Variants in VPS13C observed in about 807,000 individuals in gnomAD.
The protein encoded by VPS13C is intermembrane lipid transfer protein VPS13C.
In VPS13C, 358 loss-of-function variants were observed where a neutral mutation model predicts 456.8. The observed-to-expected ratio is 0.78, with a 90% CI of 0.72 to 0.86. The LOEUF is 0.86. VPS13C is among the 40% of genes least tolerant of loss of function. The pLI, the probability that VPS13C is intolerant of heterozygous loss-of-function variation, is 0.00. For synonymous variants in VPS13C, 1,578 were observed against 1,486.7 expected (o/e 1.06, Z -1.41); for missense variants, 4,818 against 4,385.4 (o/e 1.10, Z -2.79).
rs1216224416 is a variant in VPS13C, at chr15:61,890,308, A to G, written c.9198T>C (p.Asp3066=). The G allele has an allele frequency of 6.2e-7, 1 of 1,614,068 alleles. No individual in the cohort carries two copies. The highest frequency in any genetic ancestry group is 1.1e-5 in the South Asian group (1 of 91,068). The change falls in exon 67 of 85, where the codon GAT becomes GAC. Residue 3066 remains aspartate, a synonymous_variant. Transcript: ENST00000644861. ...GTGCTTTGGAAACCAAGGCAACATC[A>G]TCGGTGAAAAGCAAAACTCTCTGGC... ...DGRQRVLLFT[D]DVALVSKALQ...
chr15:61,968,135 T>A (rs981764829), intron 28 of VPS13C, among the ~76,000 whole-genome samples: 1 of 151,996 alleles, frequency 6.6e-6, no homozygotes, highest in African/African-American at 2.4e-5. Context: ...TACTAACACA[T>A]AAAATATTTT....
intron 19 of VPS13C, 145 bp from the exon 20 acceptor site, chr15:61,984,157 G>A: frequency 1.5e-6 from 1 of 677,848 alleles, no homozygotes; most frequent in Middle Eastern, 4.1e-4. Flanking sequence ...AACCTCCTTA[G>A]CCAGGCATTC....
In VPS13C at chr15:61,854,545, G is replaced by T. The variant is rs770102471; in HGVS notation, c.11174C>A (p.Ala3725Asp). 1 of 1,613,930 alleles carries T rather than the reference G, an allele frequency of 6.2e-7. No individual in the cohort carries two copies. Among genetic ancestry groups the T allele is most frequent in the African/African-American group, 1.3e-5 (1 of 75,012 alleles). The change falls in exon 85 of 85, where the codon GCC (alanine) becomes GAC (aspartate). Residue 3725 changes from alanine (A) to aspartate (D), a missense_variant. This residue lies in a region of VPS13C where 261 missense variants were observed against 234.1 expected (regional missense o/e 1.11). Transcript: ENST00000644861. ...TCTCGTTGACTGTGCATCCTCAATGGCATTACATGCTCTCTGTAAAGTAAA... is the reference window on the plus strand; with the variant it reads ...TCTCGTTGACTGTGCATCCTCAATGTCATTACATGCTCTCTGTAAAGTAAA... ...DTATAERACN[A>D]IEDAQSTRQQ...
intron 51 of VPS13C, among the ~76,000 whole-genome samples, chr15:61,928,822 T>C (rs2043955893): frequency 6.6e-6 from 1 of 150,866 alleles, no homozygotes; most frequent in African/African-American, 2.4e-5. Context: ...AGGTGAAAAT[T>C]ACAGTAAGCC....
At chr15:61,986,528 T>C (rs2046061153) in intron 18 of VPS13C, among the ~76,000 whole-genome samples, 1 of 152,104 alleles carries the variant, frequency 6.6e-6, no homozygotes, top group Non-Finnish European at 1.5e-5. Flanking sequence ...TCCCACTATG[T>C]ACATTAGAAG....
At chr15:61,868,592 A>T (rs1894762848) in intron 81 of VPS13C, 67 bp downstream of exon 81, 3 of 1,371,262 alleles carry the variant, frequency 2.2e-6, no homozygotes, top group Non-Finnish European at 2.1e-6. Context: ...AGAACCACCT[A>T]GGAAATCCTG....
At chr15:61,926,359 T>C (rs1331737771) in intron 52 of VPS13C, among the ~76,000 whole-genome samples, 1 of 152,222 alleles carries the variant, frequency 6.6e-6, no homozygotes, top group Non-Finnish European at 1.5e-5. Context: ...AAGATGGCAT[T>C]ACTGCACTAA....
chr15:62,050,156 A>C (rs1171877475), intron 1 of VPS13C, among the ~76,000 whole-genome samples: 1 of 152,194 alleles, frequency 6.6e-6, no homozygotes, highest in African/African-American at 2.4e-5. Context: ...TAATCCTTTA[A>C]AACAAAAAAC....
intron 66 of VPS13C, among the ~76,000 whole-genome samples, chr15:61,901,593 A>G (rs2042998299): frequency 6.6e-6 from 1 of 152,214 alleles, no homozygotes; most frequent in South Asian, 2.1e-4. Context: ...AATGGCAATC[A>G]TTAAAAAGTC....
intron 53 of VPS13C, among the ~76,000 whole-genome samples, 195 bp downstream of exon 53, chr15:61,925,261 T>C (rs111363294): frequency 2.8e-4 from 42 of 152,086 alleles, no homozygotes; most frequent in African/African-American, 1.0e-3. Flanking sequence ...AAAGTACTCT[T>C]TTACAGAAAA....
In VPS13C at chr15:61,920,605, C is replaced by A; in HGVS notation, c.7105G>T (p.Asp2369Tyr). 1 of 1,593,072 alleles carries A rather than the reference C, an allele frequency of 6.3e-7. No individual in the cohort carries two copies. The highest frequency in any genetic ancestry group is 2.3e-5 in the East Asian group (1 of 44,282). ...ATTTGTGGCTCAGGAATAAAATCAT[C>A]TCCTGGCAGCAAACTTTTATCCTGA... ...PVQDKSLLPG[D>Y]DFIPEPQMAI... Residue 2369 changes from aspartate (D) to tyrosine (Y), a missense_variant, in exon 56 of 85, where the codon GAT becomes TAT. Asp to Tyr is a radical substitution (Grantham distance 160). This residue lies in a region of VPS13C where 4,552 missense variants were observed against 4,130.6 expected (regional missense o/e 1.10). Coordinates refer to ENST00000644861, the MANE Select transcript of VPS13C (RefSeq NM_020821.3).
At chr15:61,960,141 G>A (rs1024258161) in intron 35 of VPS13C, among the ~76,000 whole-genome samples, 2 of 152,086 alleles carry the variant, frequency 1.3e-5, no homozygotes, top group Non-Finnish European at 2.9e-5. Flanking sequence ...GAGCACTGAA[G>A]ATACAAAATA....
At chr15:61,954,677 G>A (rs1278442533) in intron 37 of VPS13C, 123 bp from the exon 38 acceptor site, 5 of 940,700 alleles carry the variant, frequency 5.3e-6, no homozygotes, top group Admixed American at 6.9e-5. Context: ...ATTAGTAACA[G>A]CGCTAGCCCT....
chr15:61,872,715 T>A (rs1356577803), intron 78 of VPS13C, among the ~76,000 whole-genome samples: 1 of 152,102 alleles, frequency 6.6e-6, no homozygotes, highest in African/African-American at 2.4e-5. Flanking sequence ...ATGAGATGAT[T>A]AGGGTATTCT....
intron 83 of VPS13C, among the ~76,000 whole-genome samples, chr15:61,855,243 C>T (rs1893841412): frequency 6.6e-6 from 1 of 152,154 alleles, no homozygotes. Flanking sequence ...GGTAACTCAT[C>T]ACATCTGACA....
chr15:62,032,924 T>G (rs1230530433), intron 5 of VPS13C, among the ~76,000 whole-genome samples: 1 of 151,672 alleles, frequency 6.6e-6, no homozygotes, highest in East Asian at 1.9e-4. Context: ...AAAACAAAAA[T>G]GTAAACGTAA....
intron 1 of VPS13C, among the ~76,000 whole-genome samples, chr15:62,050,027 A>G (rs1377868242): frequency 6.6e-6 from 1 of 152,192 alleles, no homozygotes; most frequent in Non-Finnish European, 1.5e-5. Flanking sequence ...TTTTCTAGAT[A>G]TACAATCATG....
At chr15:61,866,266 C>T in intron 81 of VPS13C, 1 of 984,254 alleles carries the variant, frequency 1.0e-6, no homozygotes, top group African/African-American at 1.7e-5. Flanking sequence ...TAATAATGCA[C>T]TAAAGTTTTA....
chr15:61,944,569 T>C (rs1272620852), intron 45 of VPS13C, among the ~76,000 whole-genome samples: 1 of 152,034 alleles, frequency 6.6e-6, no homozygotes, highest in East Asian at 1.9e-4. Context: ...CACTTATAAA[T>C]GGGAGCTAAA....
Sources: allele counts gnomAD v4.1 joint callset (sites outside exome capture counted in the v4.1 genomes callset), GRCh38; gene constraint gnomAD v4.1.1; regional missense constraint gnomAD v4.1.1; transcripts MANE v1.5; gene names NCBI Gene and HGNC (gene_info 2026-07-23, HGNC 2026-07-21).